Variants in SQLE observed in about 807,000 individuals in gnomAD.
SQLE encodes squalene epoxidase.
A neutral mutation model predicts 60.7 loss-of-function variants in SQLE; 29 were observed. The ratio of observed to expected loss-of-function variants is 0.48; its 90% confidence interval spans 0.36 to 0.65. The LOEUF is 0.65. SQLE is among the 30% of genes least tolerant of loss of function. The pLI, the probability that SQLE is intolerant of heterozygous loss-of-function variation, is 0.00. For synonymous variants in SQLE, 237 were observed against 246.8 expected (o/e 0.96, Z 0.37); for missense variants, 605 against 684.1 (o/e 0.88, Z 1.29).
chr8:125,006,297 C>T (rs1814943557), intron 3 of SQLE, among the ~76,000 whole-genome samples: 1 of 152,188 alleles, frequency 6.6e-6, no homozygotes, highest in African/African-American at 2.4e-5. Flanking sequence ...ACTTGATATC[C>T]ATGGAAGAAG....
chr8:125,015,638 A>G (rs1586318964), intron 7 of SQLE, among the ~76,000 whole-genome samples: 1 of 152,206 alleles, frequency 6.6e-6, no homozygotes, highest in African/African-American at 2.4e-5. Flanking sequence ...ACAAACGAGC[A>G]GAGAAAACTA....
At position 124,999,197 on chromosome 8, in the gene SQLE, A is replaced by G. The variant is rs1421625406; in HGVS notation, c.-207A>G. 4 of 432,772 alleles carry G rather than the reference A, an allele frequency of 9.2e-6. No homozygotes were observed. The highest frequency in any genetic ancestry group is 1.6e-5 in the Non-Finnish European group (4 of 256,668). The allele number at this position is 432,772 out of a possible 1,614,324, so 26.8% of individuals were successfully genotyped here. On this transcript the variant is annotated 5_prime_UTR_variant, in exon 1 of 11. Coordinates refer to ENST00000265896, the MANE Select transcript of SQLE (RefSeq NM_003129.4). ...TTTTAAATACTGCTTTCTACGCCCT[A>G]TACAACTTGGCTTCACATACTTTTA...
intron 1 of SQLE, among the ~76,000 whole-genome samples, chr8:125,000,813 T>A (rs1814832710): frequency 6.6e-6 from 1 of 152,158 alleles, no homozygotes; most frequent in African/African-American, 2.4e-5. Flanking sequence ...GTTGTAGGCG[T>A]ACAAGAATGG....
chr8:124,998,799 A>AGGCGTC lies in SQLE; in HGVS notation c.-599_-594dup, dbSNP rs200396489. 5.6e-3 allele frequency: 2,768 copies of AGGCGTC among 491,106 alleles called. 21 individuals are homozygous for AGGCGTC. The highest frequency in any genetic ancestry group is 8.7e-3 in the Non-Finnish European group (2,393 of 275,462). 30.4% of individuals were successfully genotyped at this position (491,106 alleles called of 1,614,324 possible). On this transcript the variant is annotated 5_prime_UTR_variant, in exon 1 of 11. Transcript: ENST00000265896. ...GTCCGAGGCCATCTTTTGTTGGAGA[A>AGGCGTC]GGCGTCGGCGTTGGCGTTTTCCCGA...
chr8:125,004,525 C>G (rs1814915960), intron 2 of SQLE, among the ~76,000 whole-genome samples: 1 of 148,660 alleles, frequency 6.7e-6, no homozygotes, highest in Non-Finnish European at 1.5e-5. Flanking sequence ...ATAATCTCAT[C>G]AGTGATTTTG....
intron 3 of SQLE, among the ~76,000 whole-genome samples, chr8:125,006,880 T>C (rs1814959563): frequency 6.6e-6 from 1 of 151,860 alleles, no homozygotes; most frequent in Admixed American, 6.5e-5. Flanking sequence ...AATTTTTGTA[T>C]TTTTAGTAGA....
chr8:125,005,106 G>T (rs1027839941), intron 2 of SQLE, among the ~76,000 whole-genome samples: 7 of 151,010 alleles, frequency 4.6e-5, no homozygotes, highest in Admixed American at 2.0e-4. Flanking sequence ...GTTTTTTTTT[G>T]AGTTTCCATA....
chr8:125,007,270 C>A, intron 3 of SQLE, 121 bp from the exon 4 acceptor site: 1 of 529,406 alleles, frequency 1.9e-6, no homozygotes, highest in Non-Finnish European at 3.1e-6. Context: ...ACACATTGGA[C>A]ACGTGTTTGC....
In SQLE at chr8:125,005,511, C is replaced by A. The variant is rs769241614; in HGVS notation, c.545-14C>A. 2 of 1,554,654 alleles carry A rather than the reference C, an allele frequency of 1.3e-6. No homozygotes were observed. Among genetic ancestry groups the A allele is most frequent in the South Asian group, 1.2e-5 (1 of 83,488 alleles). On this transcript the variant is annotated splice_polypyrimidine_tract_variant and intron_variant, in intron 2 of 10. Coordinates refer to ENST00000265896, the MANE Select transcript of SQLE (RefSeq NM_003129.4). ...TTAACAGAATTGATTGTTTTGAACT[C>A]GATTGCTTTGCAGATACAGTGGAAG...
At position 125,017,539 on chromosome 8, in the gene SQLE, C is replaced by T. The variant is rs544769910; in HGVS notation, c.1205-520C>T. 1.4e-4 allele frequency among the ~76,000 whole-genome samples: 22 copies of T among 152,098 alleles called. No homozygotes were observed. In the South Asian group the frequency reaches 3.7e-3, roughly 26 times the overall value. On this transcript the variant is annotated intron_variant, in intron 7 of 10. Coordinates refer to ENST00000265896, the MANE Select transcript of SQLE (RefSeq NM_003129.4). ...CAATGGGCTCCCCTCTCACCCAGGA[C>T]GGATCCAAAAATGCTGTCCAGGTGC...
intron 7 of SQLE, among the ~76,000 whole-genome samples, 198 bp downstream of exon 7, chr8:125,011,830 G>A (rs1288155052): frequency 1.3e-5 from 2 of 150,952 alleles, no homozygotes; most frequent in Non-Finnish European, 2.9e-5. Context: ...GCTAGTCAGG[G>A]AAACAACAGG....
intron 1 of SQLE, among the ~76,000 whole-genome samples, chr8:125,002,201 A>G (rs2129871224): frequency 6.6e-6 from 1 of 152,312 alleles, no homozygotes; most frequent in East Asian, 1.9e-4. Flanking sequence ...AAAATTGTAA[A>G]CAAGTCAAAT....
In SQLE at chr8:125,020,769, A is replaced by G; in HGVS notation, c.1445-15A>G. The G allele has an allele frequency of 6.4e-7, 1 of 1,560,118 alleles. No individual in the cohort carries two copies. The highest frequency in any genetic ancestry group is 8.8e-7 in the Non-Finnish European group (1 of 1,133,078). On this transcript the variant is annotated splice_polypyrimidine_tract_variant and intron_variant, in intron 9 of 10. Coordinates refer to ENST00000265896, the MANE Select transcript of SQLE (RefSeq NM_003129.4). ...GTGTGTACACATATTTGATTATTTTACAATTTTATTTTAGATTCCCTGCAT... is the reference window on the plus strand; with the variant it reads ...GTGTGTACACATATTTGATTATTTTGCAATTTTATTTTAGATTCCCTGCAT...
rs1261214297 is a variant in SQLE at position 125,022,087 on chromosome 8, T to C, written c.*142T>C. 3 of 502,858 alleles carry C rather than the reference T, an allele frequency of 6.0e-6. No individual in the cohort carries two copies. The highest frequency in any genetic ancestry group is 6.9e-5 in the East Asian group (2 of 28,894). The allele number at this position is 502,858 out of a possible 1,614,324, so 31.1% of individuals were successfully genotyped here. ...ACCAAGATTTGGATTAATTTGTTTT[T>C]GAAGTTTTTTGTATATAAATATGTA... is the stretch of plus-strand genomic sequence containing the variant. On this transcript the variant is annotated 3_prime_UTR_variant, in exon 11 of 11. Transcript: ENST00000265896.
chr8:125,011,779 GATCT>G, intron 7 of SQLE, 147 bp downstream of exon 7: 2 of 694,858 alleles, frequency 2.9e-6, no homozygotes, highest in Non-Finnish European at 4.7e-6. Flanking sequence ...TTAGTTTTAT[GATCT>G]ATTTAGTTGT....
intron 7 of SQLE, among the ~76,000 whole-genome samples, chr8:125,013,110 GTA>G (rs1450269779): frequency 6.6e-6 from 1 of 152,090 alleles, no homozygotes; most frequent in Non-Finnish European, 1.5e-5. Context: ...TAAAATTTAT[GTA>G]TTGTTGAGTT....
intron 1 of SQLE, chr8:125,000,173 G>A: frequency 5.1e-6 from 2 of 393,682 alleles, no homozygotes; most frequent in East Asian, 7.2e-5. Flanking sequence ...GAGGCATTGG[G>A]CTCAAAGTTC....
At chr8:125,004,382 A>T (rs560531435) in intron 2 of SQLE, among the ~76,000 whole-genome samples, 1 of 152,148 alleles carries the variant, frequency 6.6e-6, no homozygotes, top group Non-Finnish European at 1.5e-5. Flanking sequence ...TCTTACATGG[A>T]TTTCCAAGAG....
intron 3 of SQLE, among the ~76,000 whole-genome samples, chr8:125,006,992 C>T (rs1246113205): frequency 1.3e-5 from 2 of 152,172 alleles, no homozygotes; most frequent in East Asian, 1.9e-4. Flanking sequence ...TGTGAGCCAC[C>T]GTGCCCTGCC....
Sources: gnomAD v4.1 joint callset for allele counts (sites outside exome capture counted in the v4.1 genomes callset) on GRCh38, gnomAD v4.1.1 for gene constraint, MANE v1.5 for transcripts, NCBI Gene and HGNC (gene_info 2026-07-23, HGNC 2026-07-21) for gene names.